Variants in LIN7A observed in about 807,000 individuals in gnomAD.
LIN7A encodes lin-7 cell polarity scaffold A.
LIN7A carries 25 observed loss-of-function variants against 29.8 expected under a neutral mutation model. The ratio of observed to expected loss-of-function variants is 0.84; its 90% CI spans 0.61 to 1.17. The LOEUF is 1.17. Among genes scored for constraint, LIN7A ranks in the 50% most tolerant of loss-of-function variants. The probability of loss-of-function intolerance (pLI) is 0.00; values close to 1 mark genes in which losing one functional copy is unlikely to be tolerated. For missense variants in LIN7A, 239 were observed against 287.0 expected, an observed-to-expected ratio of 0.83 and a Z score of 1.21; for synonymous variants, 118 against 107.5, an observed-to-expected ratio of 1.10 and a Z score of -0.60.
At chr12:80,811,435 A>G (rs1348722445) in intron 5 of LIN7A, 30 bp downstream of exon 5, 1 of 790,726 alleles carries the variant, frequency 1.3e-6, no homozygotes, top group South Asian at 1.5e-5. Context: ...ATATATATAT[A>G]CTCCTTGTAT....
chr12:80,815,471 A>G (rs1013635517), intron 4 of LIN7A, among the ~76,000 whole-genome samples: 2 of 152,264 alleles, frequency 1.3e-5, no homozygotes, highest in Admixed American at 1.3e-4. Context: ...TAATGAAAGT[A>G]TGCATCATTT....
chr12:80,842,018 TG>T (rs1322743054), intron 4 of LIN7A: 2 of 1,280,504 alleles, frequency 1.6e-6, no homozygotes, highest in Admixed American at 4.8e-5. Flanking sequence ...ATGTCTCATT[TG>T]TAACATTCCC....
At chr12:80,857,783 G>C (rs1565903988) in intron 2 of LIN7A, among the ~76,000 whole-genome samples, 1 of 152,138 alleles carries the variant, frequency 6.6e-6, no homozygotes, top group Non-Finnish European at 1.5e-5. Flanking sequence ...CACAGTGATG[G>C]CCTTAAATAT....
chr12:80,822,704 T>C (rs1001671872), intron 4 of LIN7A, among the ~76,000 whole-genome samples: 1 of 151,864 alleles, frequency 6.6e-6, no homozygotes, highest in Non-Finnish European at 1.5e-5. Context: ...TCAAACCATA[T>C]CAGGAAGGAA....
intron 1 of LIN7A, among the ~76,000 whole-genome samples, chr12:80,915,841 C>G (rs1877004960): frequency 6.6e-6 from 1 of 152,036 alleles, no homozygotes; most frequent in African/African-American, 2.4e-5. Flanking sequence ...TACACATGGA[C>G]ATAAAGATGG....
chr12:80,935,473 G>T (rs765481410), intron 1 of LIN7A, among the ~76,000 whole-genome samples: 1 of 152,148 alleles, frequency 6.6e-6, no homozygotes, highest in Non-Finnish European at 1.5e-5. Context: ...TGTCCAGAGA[G>T]GCTGATGTAT....
intron 1 of LIN7A, among the ~76,000 whole-genome samples, chr12:80,906,273 GCCTCTTTTCCTATC>G (rs1244569616): frequency 1.3e-5 from 2 of 152,116 alleles, no homozygotes; most frequent in Non-Finnish European, 2.9e-5. Flanking sequence ...ATATTGCTAT[GCCTCTTTTCCTATC>G]TCAGCTCTCA....
chr12:80,822,073 T>A (rs910186363), intron 4 of LIN7A, among the ~76,000 whole-genome samples: 1 of 152,168 alleles, frequency 6.6e-6, no homozygotes, highest in African/African-American at 2.4e-5. Flanking sequence ...CACTTGAGAC[T>A]GGGTAGTTTA....
chr12:80,921,858 T>A (rs1210437329), intron 1 of LIN7A, among the ~76,000 whole-genome samples: 1 of 152,200 alleles, frequency 6.6e-6, no homozygotes, highest in Non-Finnish European at 1.5e-5. Context: ...TCACAGAATA[T>A]TTCATTCATC....
chr12:80,913,479 C>T (rs537775463), intron 1 of LIN7A, among the ~76,000 whole-genome samples: 4 of 152,078 alleles, frequency 2.6e-5, no homozygotes, highest in African/African-American at 7.2e-5. Flanking sequence ...AATGTGGAGA[C>T]GAGGAAACGG....
At chr12:80,858,596 C>G (rs1226856864) in intron 2 of LIN7A, among the ~76,000 whole-genome samples, 1 of 151,278 alleles carries the variant, frequency 6.6e-6, no homozygotes, top group Non-Finnish European at 1.5e-5. Flanking sequence ...TCAGAATCCT[C>G]TGTGACAGGA....
chr12:80,863,006 C>T (rs1476518372), intron 2 of LIN7A, among the ~76,000 whole-genome samples: 1 of 152,214 alleles, frequency 6.6e-6, no homozygotes, highest in Non-Finnish European at 1.5e-5. Flanking sequence ...TGTTCTGTTA[C>T]ATTCAAGTTA....
intron 1 of LIN7A, among the ~76,000 whole-genome samples, chr12:80,936,102 T>C (rs1169023787): frequency 6.6e-6 from 1 of 152,228 alleles, no homozygotes; most frequent in Admixed American, 6.5e-5. Flanking sequence ...AGCTCATAGT[T>C]TCTGATAGCT....
chr12:80,818,530 C>T (rs1043740410), intron 4 of LIN7A, among the ~76,000 whole-genome samples: 1 of 152,118 alleles, frequency 6.6e-6, no homozygotes, highest in Non-Finnish European at 1.5e-5. Flanking sequence ...TCTTACCTAC[C>T]AATCCTTAAT....
At chr12:80,808,438 A>G (rs1871141772) in intron 5 of LIN7A, among the ~76,000 whole-genome samples, 1 of 152,192 alleles carries the variant, frequency 6.6e-6, no homozygotes, top group African/African-American at 2.4e-5. Context: ...GCAGCTCATT[A>G]AACAGTGCCT....
chr12:80,852,883 C>T (rs1873400293), intron 2 of LIN7A, among the ~76,000 whole-genome samples: 2 of 152,174 alleles, frequency 1.3e-5, no homozygotes. Flanking sequence ...CAATCGGAAG[C>T]AGGTGAGAAG....
At chr12:80,845,005 G>C (rs1405108330) in intron 4 of LIN7A, among the ~76,000 whole-genome samples, 1 of 152,012 alleles carries the variant, frequency 6.6e-6, no homozygotes, top group Non-Finnish European at 1.5e-5. Context: ...TTGGGAGGCC[G>C]AGGCAGGCGG....
intron 5 of LIN7A, among the ~76,000 whole-genome samples, chr12:80,807,792 T>C (rs1187289573): frequency 6.6e-6 from 1 of 152,184 alleles, no homozygotes; most frequent in Non-Finnish European, 1.5e-5. Context: ...TCCTTGTCTG[T>C]CTATAGACTT....
chr12:80,842,196 CCT>C, intron 4 of LIN7A: 2 of 1,131,750 alleles, frequency 1.8e-6, no homozygotes, highest in Non-Finnish European at 2.3e-6. Flanking sequence ...GATTTCCCCC[CCT>C]TTCCATCACA....
Sources: gnomAD v4.1 joint callset for allele counts (sites outside exome capture counted in the v4.1 genomes callset) on GRCh38, gnomAD v4.1.1 for gene constraint, MANE v1.5 for transcripts, NCBI Gene and HGNC (gene_info 2026-07-23, HGNC 2026-07-21) for gene names.